Variants in PRKAR1B observed in about 807,000 individuals in gnomAD.
The protein encoded by PRKAR1B is protein kinase cAMP-dependent type I regulatory subunit beta.
Under a neutral mutation model 46.5 loss-of-function variants are expected in PRKAR1B, and 22 were observed. The ratio of observed to expected loss-of-function variants is 0.47; its 90% CI spans 0.34 to 0.68. The LOEUF (loss-of-function observed/expected upper bound fraction) is 0.68. PRKAR1B is among the 30% of genes least tolerant of loss of function. The pLI is 0.01. For synonymous variants in PRKAR1B, 259 were observed against 217.7 expected, an observed-to-expected ratio of 1.19 and a Z score of -1.67; for missense variants, 445 against 535.6, an observed-to-expected ratio of 0.83 and a Z score of 1.67.
chr7:652,532 CG>C (rs1159873192), intron 4 of PRKAR1B, among the ~76,000 whole-genome samples: 1 of 152,100 alleles, frequency 6.6e-6, no homozygotes, highest in Non-Finnish European at 1.5e-5. Context: ...AAACCCCTCT[CG>C]GAAGAAAGTT....
chr7:562,289 C>G (rs1236660860), intron 9 of PRKAR1B, among the ~76,000 whole-genome samples: 1 of 137,960 alleles, frequency 7.2e-6, no homozygotes. Flanking sequence ...GCCCCAGGCA[C>G]CTCTCAGGGT....
chr7:699,950 A>G (rs1779974182), intron 2 of PRKAR1B, among the ~76,000 whole-genome samples: 1 of 152,204 alleles, frequency 6.6e-6, no homozygotes. Flanking sequence ...AGGCTGCTGC[A>G]GTCATTCAGC....
At chr7:720,191 G>C (rs570730244) in intron 1 of PRKAR1B, among the ~76,000 whole-genome samples, 3 of 151,912 alleles carry the variant, frequency 2.0e-5, no homozygotes, top group East Asian at 3.9e-4. Context: ...AGAGTAGCTG[G>C]GATTACAGGT....
intron 4 of PRKAR1B, among the ~76,000 whole-genome samples, chr7:617,299 C>CTT (rs71016890): frequency 2.0e-4 from 27 of 132,408 alleles, no homozygotes; most frequent in Admixed American, 3.1e-4. Context: ...GACCAAGTGC[C>CTT]TTTTTTTTTT....
intron 4 of PRKAR1B, among the ~76,000 whole-genome samples, chr7:637,276 G>A (rs764509305): frequency 2.0e-5 from 3 of 152,046 alleles, no homozygotes; most frequent in Non-Finnish European, 4.4e-5. Flanking sequence ...AAAATTAGCT[G>A]GGCATGGTGG....
chr7:657,966 T>C (rs534220527), intron 4 of PRKAR1B, among the ~76,000 whole-genome samples: 1 of 152,172 alleles, frequency 6.6e-6, no homozygotes, highest in East Asian at 1.9e-4. Flanking sequence ...ACCCACCTTC[T>C]AAAGAGGCTC....
chr7:685,171 A>C (rs1038379788), intron 2 of PRKAR1B, among the ~76,000 whole-genome samples: 10 of 148,926 alleles, frequency 6.7e-5, no homozygotes, highest in Non-Finnish European at 1.5e-5. Context: ...TCTTAAAAAG[A>C]GACAAAGACA....
At chr7:662,205 G>A (rs1285757622) in intron 4 of PRKAR1B, among the ~76,000 whole-genome samples, 11 of 61,392 alleles carry the variant, frequency 1.8e-4, no homozygotes, top group African/African-American at 2.9e-4. Flanking sequence ...CCATGGCACA[G>A]GTCCCCACCC....
chr7:558,346 A>AG (rs1310091909), intron 9 of PRKAR1B, among the ~76,000 whole-genome samples: 18 of 151,100 alleles, frequency 1.2e-4, no homozygotes, highest in African/African-American at 4.4e-4. Context: ...AAAAAAAAAA[A>AG]AGGAAGGAGG....
intron 9 of PRKAR1B, among the ~76,000 whole-genome samples, chr7:575,003 G>A (rs1779736213): frequency 6.6e-6 from 1 of 152,242 alleles, no homozygotes; most frequent in Non-Finnish European, 1.5e-5. Context: ...AGGCAAGGAA[G>A]GGCTCTACTG....
intron 4 of PRKAR1B, among the ~76,000 whole-genome samples, chr7:609,745 T>C (rs1782369573): frequency 6.6e-6 from 1 of 150,622 alleles, no homozygotes; most frequent in Admixed American, 6.6e-5. Flanking sequence ...CTAGTATTCT[T>C]TTTTTTCTTT....
At chr7:657,585 G>A (rs1307783885) in intron 4 of PRKAR1B, among the ~76,000 whole-genome samples, 3 of 152,200 alleles carry the variant, frequency 2.0e-5, no homozygotes, top group African/African-American at 4.8e-5. Flanking sequence ...GGAATGAGGG[G>A]CAGTACCCAG....
chr7:655,801 C>T (rs752968702), intron 4 of PRKAR1B, among the ~76,000 whole-genome samples: 8 of 152,106 alleles, frequency 5.3e-5, no homozygotes, highest in Non-Finnish European at 1.0e-4. Flanking sequence ...AGTTGGTTCC[C>T]TGATTGATGA....
intron 2 of PRKAR1B, among the ~76,000 whole-genome samples, chr7:699,705 T>C (rs1779959981): frequency 6.6e-6 from 1 of 151,952 alleles, no homozygotes; most frequent in Non-Finnish European, 1.5e-5. Flanking sequence ...GGGGAGGAAG[T>C]TCCAGGTGAC....
intron 1 of PRKAR1B, chr7:726,609 G>A (rs1781297075): frequency 4.8e-6 from 4 of 833,684 alleles, no homozygotes; most frequent in Non-Finnish European, 3.2e-6. Flanking sequence ...CGCACCGGCG[G>A]GGAGGAAGTA....
At position 668,072 on chromosome 7, in the gene PRKAR1B, TCTTGAA is replaced by T. The variant is rs532140696; in HGVS notation, c.440+9151_440+9156del. Among the ~76,000 whole-genome samples, 80 of 152,298 alleles carry T rather than the reference TCTTGAA, an allele frequency of 5.3e-4. No homozygotes were observed. In the East Asian group the frequency reaches 0.012, roughly 23 times the overall value. On this transcript the variant is annotated intron_variant, in intron 4 of 10. Coordinates refer to ENST00000537384, the MANE Select transcript of PRKAR1B (RefSeq NM_001164760.2). ...CAGCCTGTGATGATGGGGATATCTGTCTTGAACCTGAACTTGTACGGAGGGGTCATT... is the reference window on the plus strand; with the variant it reads ...CAGCCTGTGATGATGGGGATATCTGTCCTGAACTTGTACGGAGGGGTCATT...
At chr7:557,093 G>C (rs947334383) in intron 9 of PRKAR1B, among the ~76,000 whole-genome samples, 4 of 152,250 alleles carry the variant, frequency 2.6e-5, no homozygotes, top group Non-Finnish European at 5.9e-5. Flanking sequence ...CAGAGTCGGG[G>C]AGGAACTGGG....
chr7:642,107 G>T (rs1224245846), intron 4 of PRKAR1B, among the ~76,000 whole-genome samples: 3 of 152,122 alleles, frequency 2.0e-5, no homozygotes, highest in Admixed American at 2.0e-4. Context: ...TGTTGGCTAG[G>T]CTGGTCTTGA....
intron 7 of PRKAR1B, among the ~76,000 whole-genome samples, chr7:586,037 T>C (rs1478953910): frequency 2.0e-5 from 3 of 151,920 alleles, no homozygotes; most frequent in Non-Finnish European, 4.4e-5. Context: ...GTCCCTCCCC[T>C]CTCCTCCTTC....
Sources: allele counts gnomAD v4.1 joint callset (sites outside exome capture counted in the v4.1 genomes callset), GRCh38; gene constraint gnomAD v4.1.1; transcripts MANE v1.5; gene names NCBI Gene and HGNC (gene_info 2026-07-23, HGNC 2026-07-21).